The following RNF19B variants were observed in gnomAD, a reference collection of about 807,000 sequenced individuals.
The protein encoded by RNF19B is E3 ubiquitin-protein ligase RNF19B.
Under a neutral mutation model 65.5 loss-of-function variants are expected in RNF19B, and 23 were observed. That is an observed-to-expected ratio of 0.35 (90% confidence interval 0.25 to 0.50). RNF19B has a LOEUF of 0.50. RNF19B is among the 20% of genes least tolerant of loss of function. RNF19B has a pLI of 0.98. For synonymous variants in RNF19B, 372 were observed against 379.6 expected, an observed-to-expected ratio of 0.98 and a Z score of 0.23; for missense variants, 794 against 980.0, an observed-to-expected ratio of 0.81 and a Z score of 2.53.
chr1:32,962,894 T>C (rs775039959), intron 1 of RNF19B, among the ~76,000 whole-genome samples: 23 of 152,156 alleles, frequency 1.5e-4, no homozygotes, highest in Non-Finnish European at 2.9e-4. Context: ...ATTAGACTTC[T>C]AAAGGCGGGG....
intron 1 of RNF19B, among the ~76,000 whole-genome samples, chr1:32,962,067 G>A (rs1642782959): frequency 6.6e-6 from 1 of 151,978 alleles, no homozygotes; most frequent in African/African-American, 2.4e-5. Flanking sequence ...TGCCTCACAG[G>A]TTCAAGCGAT....
In RNF19B at chr1:32,937,265, G is replaced by A. The variant is rs765616862; in HGVS notation, c.1743-6C>T. ...TTTCCATATTGTTGCATTCTCTGTG[G>A]AGACAAAATCCACTTTGCTGAGTCA... On this transcript the variant is annotated splice_polypyrimidine_tract_variant and splice_region_variant and intron_variant, in intron 8 of 8. Coordinates refer to ENST00000235150, the MANE Select transcript of RNF19B (RefSeq NM_001300826.2). The A allele has an allele frequency of 1.7e-5, 27 of 1,613,570 alleles. No homozygotes were observed. The highest frequency in any genetic ancestry group is 2.2e-5 in the Non-Finnish European group (26 of 1,180,028).
intron 7 of RNF19B, among the ~76,000 whole-genome samples, chr1:32,941,598 T>C (rs1223249702): frequency 6.6e-6 from 1 of 152,092 alleles, no homozygotes; most frequent in African/African-American, 2.4e-5. Context: ...TGAAAGCCAA[T>C]GACAAGCCTA....
intron 3 of RNF19B, among the ~76,000 whole-genome samples, chr1:32,947,360 T>G (rs1032355120): frequency 6.6e-6 from 1 of 152,242 alleles, no homozygotes; most frequent in African/African-American, 2.4e-5. Flanking sequence ...CCACAACATT[T>G]TAATATTCAC....
intron 1 of RNF19B, among the ~76,000 whole-genome samples, chr1:32,951,526 C>CG (rs1454861981): frequency 1.3e-5 from 2 of 152,246 alleles, no homozygotes; most frequent in African/African-American, 4.8e-5. Flanking sequence ...GGCCAACAAG[C>CG]AGTCAGGCAG....
Position 32,946,322 on chromosome 1 carries a change from A to G in RNF19B, c.1146+80T>C. ...TGGTTTTCAGGCAGCTCTGAAACATAGCTCCTTCCCATTTCCCTCAAACCT... is the reference window on the plus strand; with the variant it reads ...TGGTTTTCAGGCAGCTCTGAAACATGGCTCCTTCCCATTTCCCTCAAACCT... On this transcript the variant is annotated intron_variant, in intron 4 of 8. Coordinates refer to ENST00000235150, the MANE Select transcript of RNF19B (RefSeq NM_001300826.2). 6 of 1,246,056 alleles carry G rather than the reference A, an allele frequency of 4.8e-6. 1 individual carries two copies. Among genetic ancestry groups the G allele is most frequent in the Non-Finnish European group, 6.8e-6 (6 of 878,438 alleles). 77.2% of individuals were successfully genotyped at this position (1,246,056 alleles called of 1,614,324 possible).
intron 1 of RNF19B, among the ~76,000 whole-genome samples, chr1:32,953,452 A>G (rs542695961): frequency 6.6e-6 from 1 of 152,108 alleles, no homozygotes; most frequent in Non-Finnish European, 1.5e-5. Flanking sequence ...AATGTACATG[A>G]GATGTTAATC....
chr1:32,943,884 A>G (rs1020939169), intron 6 of RNF19B, 135 bp downstream of exon 6: 1 of 879,024 alleles, frequency 1.1e-6, no homozygotes, highest in African/African-American at 1.7e-5. Context: ...TGAAAAGCTA[A>G]AAATACTTTA....
In RNF19B at chr1:32,964,655, G is replaced by A. The variant is rs1406677684; in HGVS notation, c.31C>T (p.Arg11Cys). 4.1e-6 allele frequency: 6 copies of A among 1,473,942 alleles called. No homozygotes were observed. Among genetic ancestry groups the A allele is most frequent in the Non-Finnish European group, 1.8e-6 (2 of 1,116,782 alleles). The allele number at this position is 1,473,942 out of a possible 1,614,324, so 91.3% of individuals were successfully genotyped here. A position where few individuals can be genotyped will look rare whatever the true frequency, so the allele number is the denominator to read the frequency against. The stretch of plus-strand genomic sequence containing the variant: ...GCGGCCGCATGTAGCGATGTGGAGC[G>A]CGGCGACTCGGAGTCCTTCTCGGAG... MGSEKDSESPRSTSLHAAAPD... is the reference protein window; with the variant it reads MGSEKDSESPCSTSLHAAAPD... Residue 11 changes from arginine (R) to cysteine (C), a missense_variant, in exon 1 of 9, where the codon CGC (arginine) becomes TGC (cysteine). Arg to Cys is a radical substitution (Grantham distance 180, BLOSUM62 -3). Transcript: ENST00000235150. This position sits in a 1 kb window ranked among gnomAD's most constrained non-coding sequence, Gnocchi z 6.5.
intron 5 of RNF19B, 55 bp downstream of exon 5, chr1:32,945,458 TA>T: frequency 1.7e-6 from 2 of 1,149,270 alleles, no homozygotes; most frequent in Non-Finnish European, 2.6e-6. Context: ...GCCATCTGGC[TA>T]AACTGCTATG....
rs1453754052 is a variant in RNF19B at position 32,964,586 on chromosome 1, T to C, written c.100A>G (p.Thr34Ala). The change falls in exon 1 of 9, where the codon ACC becomes GCC. Residue 34 changes from threonine (T) to alanine (A), a missense_variant. By Grantham distance (58) the Thr-to-Ala change is moderately conservative (BLOSUM62 0). Coordinates refer to ENST00000235150, the MANE Select transcript of RNF19B (RefSeq NM_001300826.2). The surrounding 1 kb of genome is among the most constrained non-coding windows in gnomAD (Gnocchi z 6.5). ...CRSGGRRRRL[T>A]LHSVFSASAR... ...GAGGCAGAGAAGACGCTGTGCAAGG[T>C]GAGGCGCCGGCGCCGGCCGCCGCTG... 1.4e-6 allele frequency: 2 copies of C among 1,441,004 alleles called. No individual in the cohort carries two copies. Among genetic ancestry groups the C allele is most frequent in the Non-Finnish European group, 9.1e-7 (1 of 1,099,404 alleles). The allele number at this position is 1,441,004 out of a possible 1,614,324, so 89.3% of individuals were successfully genotyped here.
intron 1 of RNF19B, among the ~76,000 whole-genome samples, chr1:32,958,081 T>G (rs952219603): frequency 6.6e-6 from 1 of 152,200 alleles, no homozygotes; most frequent in African/African-American, 2.4e-5. Flanking sequence ...GAGCATAAGG[T>G]TTATGGTTAA....
chr1:32,952,962 ATTT>A (rs71278768), intron 1 of RNF19B, among the ~76,000 whole-genome samples: 7 of 120,022 alleles, frequency 5.8e-5, no homozygotes, highest in African/African-American at 1.3e-4. Flanking sequence ...TAATCACACA[ATTT>A]TTTTTTTTTT....
rs150270716 is a variant in RNF19B, at chr1:32,950,011, G to T, written c.636-237C>A. Among the ~76,000 whole-genome samples the T allele has an allele frequency of 7.7e-3, 1,172 of 152,024 alleles. 15 individuals are homozygous for T. The highest frequency in any genetic ancestry group is 0.011 in the Non-Finnish European group (721 of 67,964). ...ACAGTCTTGCTCTGTCACCCAGGCTGGATTGTGGAGTGCAGTGGTGTAATC... is the reference window on the plus strand; with the variant it reads ...ACAGTCTTGCTCTGTCACCCAGGCTTGATTGTGGAGTGCAGTGGTGTAATC... On this transcript the variant is annotated intron_variant, in intron 1 of 8. Transcript: ENST00000235150.
intron 7 of RNF19B, among the ~76,000 whole-genome samples, chr1:32,939,780 C>T (rs763551265): frequency 5.9e-5 from 9 of 152,196 alleles, no homozygotes; most frequent in Non-Finnish European, 1.2e-4. Context: ...ACCCATCTGA[C>T]TCATTCACTT....
chr1:32,929,071 C>T, the RNF19B span, among the ~76,000 whole-genome samples: 1 of 152,176 alleles, frequency 6.6e-6, no homozygotes, highest in Non-Finnish European at 1.5e-5. Flanking sequence ...TCTCACAGTT[C>T]AGGAAGCTAG....
intron 1 of RNF19B, among the ~76,000 whole-genome samples, chr1:32,956,411 G>A (rs534694430): frequency 6.6e-6 from 1 of 151,050 alleles, no homozygotes; most frequent in Admixed American, 6.6e-5. Flanking sequence ...AGCCGAGTGT[G>A]GTGGGGCGCG....
At chr1:32,963,570 T>C (rs1480681255) in intron 1 of RNF19B, among the ~76,000 whole-genome samples, 2 of 151,462 alleles carry the variant, frequency 1.3e-5, no homozygotes, top group African/African-American at 2.4e-5. Context: ...ACAAAGAAAT[T>C]AGCCGGGTGT....
downstream of RNF19B, among the ~76,000 whole-genome samples, chr1:32,936,012 G>A (rs1418630770): frequency 6.6e-6 from 1 of 152,066 alleles, no homozygotes; most frequent in Non-Finnish European, 1.5e-5. Flanking sequence ...GCCTCCCAAA[G>A]TGCTGGGATT....
Sources: allele counts gnomAD v4.1 joint callset (sites outside exome capture counted in the v4.1 genomes callset), GRCh38; gene constraint gnomAD v4.1.1; non-coding constraint Gnocchi (gnomAD v3.1); transcripts MANE v1.5; gene names NCBI Gene and HGNC (gene_info 2026-07-23, HGNC 2026-07-21).